Variants in UQCRC2 observed in about 807,000 individuals in gnomAD.
UQCRC2 encodes the protein ubiquinol-cytochrome c reductase core protein 2.
In UQCRC2, 49 loss-of-function variants were observed where a neutral mutation model predicts 55.6. The ratio of observed to expected loss-of-function variants is 0.88; its 90% confidence interval spans 0.70 to 1.12. The LOEUF (loss-of-function observed/expected upper bound fraction) is 1.12, where lower values mean the gene tolerates loss of function less well. UQCRC2 is among the 50% of genes most tolerant of loss of function. The pLI, the probability that UQCRC2 is intolerant of heterozygous loss-of-function variation, is 0.00. For missense variants in UQCRC2, 506 were observed against 547.8 expected (o/e 0.92, Z 0.76); for synonymous variants, 193 against 192.0 (o/e 1.01, Z -0.04).
chr16:21,956,337 A>G (rs934102475), intron 1 of UQCRC2, among the ~76,000 whole-genome samples: 1 of 152,032 alleles, frequency 6.6e-6, no homozygotes, highest in African/African-American at 2.4e-5. Flanking sequence ...TGAGCTCAGG[A>G]GTTTGAGACC....
chr16:21,983,120 A>G lies in UQCRC2; in HGVS notation c.1311A>G (p.Ser437=), dbSNP rs1386082449. Residue 437 remains serine, a synonymous_variant, in exon 14 of 14, where the codon TCA becomes TCG. Coordinates refer to ENST00000268379, the MANE Select transcript of UQCRC2 (RefSeq NM_003366.4). The part of the protein sequence containing the change: ...AAKKFVSGQK[S]MAASGNLGHT... ...AGAAGTTTGTTTCTGGCCAGAAGTC[A>G]ATGGCAGCAAGTGGAAATTTGGGAC... The G allele has an allele frequency of 6.2e-7, 1 of 1,614,136 alleles. No individual in the cohort carries two copies. Among genetic ancestry groups the G allele is most frequent in the Non-Finnish European group, 8.5e-7 (1 of 1,180,012 alleles).
intron 8 of UQCRC2, among the ~76,000 whole-genome samples, chr16:21,969,757 C>T (rs1898414035): frequency 6.6e-6 from 1 of 152,054 alleles, no homozygotes; most frequent in Non-Finnish European, 1.5e-5. Flanking sequence ...CAACTATTAC[C>T]ACTACCTAAT....
At chr16:21,956,431 C>T (rs1480146997) in intron 1 of UQCRC2, among the ~76,000 whole-genome samples, 1 of 152,042 alleles carries the variant, frequency 6.6e-6, no homozygotes, top group Admixed American at 6.5e-5. Flanking sequence ...GTAATCCCAG[C>T]TACTTGGGAG....
intron 3 of UQCRC2, among the ~76,000 whole-genome samples, chr16:21,958,316 CT>C (rs1325843871): frequency 6.6e-6 from 1 of 152,082 alleles, no homozygotes; most frequent in Non-Finnish European, 1.5e-5. Flanking sequence ...ATCCAGTAAG[CT>C]TGTATTTGAC....
At chr16:21,979,740 A>G (rs1332119685) in intron 12 of UQCRC2, among the ~76,000 whole-genome samples, 1 of 152,210 alleles carries the variant, frequency 6.6e-6, no homozygotes, top group African/African-American at 2.4e-5. Flanking sequence ...CACTGTAAAC[A>G]TAGGCTACGC....
At chr16:21,969,189 G>A (rs1227545033) in intron 8 of UQCRC2, among the ~76,000 whole-genome samples, 2 of 152,198 alleles carry the variant, frequency 1.3e-5, no homozygotes, top group South Asian at 2.1e-4. Context: ...CAAATTGTTA[G>A]TAGGAATATA....
chr16:21,963,686 C>G (rs1898257402), intron 6 of UQCRC2, among the ~76,000 whole-genome samples: 1 of 152,006 alleles, frequency 6.6e-6, no homozygotes, highest in African/African-American at 2.4e-5. Context: ...CCAGGCTGGT[C>G]TCGAACTCCT....
intron 4 of UQCRC2, among the ~76,000 whole-genome samples, chr16:21,962,019 C>T (rs562128416): frequency 4.6e-5 from 7 of 152,124 alleles, no homozygotes; most frequent in African/African-American, 1.2e-4. Flanking sequence ...CATTCAGCTC[C>T]GGAACTTTTC....
At chr16:21,972,169 G>A in intron 10 of UQCRC2, 47 bp downstream of exon 10, 3 of 1,559,956 alleles carry the variant, frequency 1.9e-6, no homozygotes, top group Middle Eastern at 1.7e-4. Flanking sequence ...CAAAGGCTCA[G>A]TATTTAAGAT....
At chr16:21,976,123 T>G in intron 11 of UQCRC2, 44 bp from the exon 12 acceptor site, 1 of 1,417,424 alleles carries the variant, frequency 7.1e-7, no homozygotes. Context: ...TGCAGGAGAC[T>G]CTGGTACTGA....
chr16:21,965,481 G>A lies in UQCRC2; in HGVS notation c.588G>A (p.Arg196=), dbSNP rs1165340854. 6.2e-7 allele frequency: 1 copy of A among 1,607,066 alleles called. No homozygotes were observed. The highest frequency in any genetic ancestry group is 8.5e-7 in the Non-Finnish European group (1 of 1,177,926). Reference sequence around the variant, plus strand: ...ATCCCTTGTATTGTCCTGACTATAGGATTGGAAAAGTGACATCAGAGGAGG... The same window carrying A: ...ATCCCTTGTATTGTCCTGACTATAGAATTGGAAAAGTGACATCAGAGGAGG... ...LANPLYCPDY[R]IGKVTSEELH... The change falls in exon 7 of 14, where the codon AGG becomes AGA. Residue 196 remains arginine, a synonymous_variant. Coordinates refer to ENST00000268379, the MANE Select transcript of UQCRC2 (RefSeq NM_003366.4).
intron 4 of UQCRC2, among the ~76,000 whole-genome samples, chr16:21,960,693 G>C (rs1476785302): frequency 6.6e-6 from 1 of 152,048 alleles, no homozygotes; most frequent in Non-Finnish European, 1.5e-5. Flanking sequence ...GTATACTTAG[G>C]GGCCATTGTC....
At chr16:21,963,616 A>G (rs547981767) in intron 6 of UQCRC2, among the ~76,000 whole-genome samples, 6 of 152,054 alleles carry the variant, frequency 3.9e-5, no homozygotes, top group Non-Finnish European at 7.4e-5. Flanking sequence ...GGCACACACC[A>G]CCGCACCCTG....
At chr16:21,977,140 G>C (rs899166828) in intron 12 of UQCRC2, among the ~76,000 whole-genome samples, 1 of 152,066 alleles carries the variant, frequency 6.6e-6, no homozygotes, top group African/African-American at 2.4e-5. Flanking sequence ...GATCACTTGA[G>C]GCCAGGAGTT....
chr16:21,959,387 T>A (rs1468078918), intron 4 of UQCRC2: 1 of 271,360 alleles, frequency 3.7e-6, no homozygotes, highest in South Asian at 3.7e-5. Flanking sequence ...AAGAAACCAC[T>A]TTGTTTGCTC....
chr16:21,968,109 C>G (rs1192422623), intron 7 of UQCRC2, among the ~76,000 whole-genome samples: 1 of 149,174 alleles, frequency 6.7e-6, no homozygotes, highest in Non-Finnish European at 1.5e-5. Flanking sequence ...TCAAACAATT[C>G]TCGTGCCTCA....
chr16:21,974,006 A>G (rs775931590), intron 11 of UQCRC2, 30 bp downstream of exon 11: 11 of 1,572,182 alleles, frequency 7.0e-6, no homozygotes, highest in Non-Finnish European at 7.8e-6. Flanking sequence ...AACTTCTTTC[A>G]TGAACAAGTT....
At chr16:21,980,772 A>T in intron 13 of UQCRC2, 72 bp downstream of exon 13, 2 of 1,538,906 alleles carry the variant, frequency 1.3e-6, no homozygotes, top group Middle Eastern at 2.0e-4. Context: ...AGAAGGATGC[A>T]TAAGCGTCCT....
In UQCRC2 at chr16:21,968,702, G is replaced by A. The variant is rs138354399; in HGVS notation, c.670+17G>A. 5.4e-5 allele frequency: 86 copies of A among 1,596,692 alleles called. No individual in the cohort carries two copies. The East Asian group carries it at 9.5e-4, about 18-fold the overall frequency. ...TTGGACTTGGTAAGTTTAGAGTATT[G>A]CCTGCCTGTCAGTTTGCTTCCTTAA... On this transcript the variant is annotated intron_variant, in intron 8 of 13. Transcript: ENST00000268379.
Sources: gnomAD v4.1 joint callset for allele counts (sites outside exome capture counted in the v4.1 genomes callset) on GRCh38, gnomAD v4.1.1 for gene constraint, MANE v1.5 for transcripts, NCBI Gene and HGNC (gene_info 2026-07-23, HGNC 2026-07-21) for gene names.